MAGI2: variants seen among roughly 807,000 people sequenced by gnomAD.
MAGI2 encodes the protein membrane associated guanylate kinase, WW and PDZ domain containing 2.
A neutral mutation model predicts 133.3 loss-of-function variants in MAGI2; 35 were observed. The observed-to-expected ratio is 0.26, with a 90% confidence interval of 0.20 to 0.35. The LOEUF (loss-of-function observed/expected upper bound fraction) is 0.35. Ranked by LOEUF, MAGI2 falls within the 10% of genes least tolerant of loss-of-function variation. MAGI2 has a pLI of 1.00. For missense variants in MAGI2, 1,636 were observed against 1,863.4 expected (o/e 0.88, Z 2.25); for synonymous variants, 729 against 710.6 (o/e 1.03, Z -0.41).
At position 78,547,901 on chromosome 7, in the gene MAGI2, G is replaced by T. The variant is rs570182718; in HGVS notation, c.539-26256C>A. 4.7e-4 allele frequency among the ~76,000 whole-genome samples: 71 copies of T among 152,320 alleles called. 3 individuals are homozygous for T. In the South Asian group the frequency reaches 0.014, roughly 31 times the overall value. On this transcript the variant is annotated intron_variant, in intron 3 of 21. Coordinates refer to ENST00000354212, the MANE Select transcript of MAGI2 (RefSeq NM_012301.4). ...TGACCTGCTATATTCCCAATAGAGG[G>T]CACATTTCAATGGACTGACCTTAGG...
intron 21 of MAGI2, among the ~76,000 whole-genome samples, chr7:78,021,339 T>C (rs1357817882): frequency 2.6e-5 from 4 of 152,210 alleles, no homozygotes; most frequent in Non-Finnish European, 4.4e-5. Flanking sequence ...CATTGATAGA[T>C]TTGAATTCTG....
intron 2 of MAGI2, among the ~76,000 whole-genome samples, chr7:78,861,265 G>A (rs917685163): frequency 2.6e-5 from 4 of 152,202 alleles, no homozygotes; most frequent in African/African-American, 9.7e-5. Flanking sequence ...GATGAACCCA[G>A]TACCTCAGTT....
intron 9 of MAGI2, among the ~76,000 whole-genome samples, chr7:78,295,163 T>G (rs2151054121): frequency 6.6e-6 from 1 of 152,290 alleles, no homozygotes; most frequent in Non-Finnish European, 1.5e-5. Context: ...CTATAATTTT[T>G]GATAATGTAG....
chr7:78,573,227 AATATAAAT>A (rs1220518341), intron 3 of MAGI2, among the ~76,000 whole-genome samples: 2 of 58,950 alleles, frequency 3.4e-5, no homozygotes, highest in Admixed American at 2.4e-4. Context: ...AATATATATA[AATATAAAT>A]ATATATATAT....
intron 1 of MAGI2, among the ~76,000 whole-genome samples, chr7:79,425,925 T>C (rs1395529856): frequency 2.6e-5 from 4 of 152,112 alleles, no homozygotes; most frequent in Admixed American, 6.6e-5. Flanking sequence ...ACTCAGTGTT[T>C]GAACTTGAAT....
chr7:78,698,846 T>C (rs1817778471), intron 2 of MAGI2, among the ~76,000 whole-genome samples: 1 of 152,088 alleles, frequency 6.6e-6, no homozygotes, highest in South Asian at 2.1e-4. Context: ...AAGAACAGCA[T>C]GAGGGTAACC....
chr7:78,733,634 A>G (rs929945613), intron 2 of MAGI2, among the ~76,000 whole-genome samples: 1 of 152,206 alleles, frequency 6.6e-6, no homozygotes, highest in Non-Finnish European at 1.5e-5. Context: ...CTAAAATAAT[A>G]CATACAGCAT....
chr7:79,318,503 A>G (rs1838919203), intron 1 of MAGI2, among the ~76,000 whole-genome samples: 1 of 152,110 alleles, frequency 6.6e-6, no homozygotes, highest in Non-Finnish European at 1.5e-5. Flanking sequence ...TGAATTCTAT[A>G]TTTTCTGTAA....
intron 9 of MAGI2, among the ~76,000 whole-genome samples, chr7:78,335,817 A>G (rs916216559): frequency 6.6e-6 from 1 of 152,196 alleles, no homozygotes; most frequent in African/African-American, 2.4e-5. Context: ...GGGAAACAAT[A>G]TATTTATGGT....
rs774125665 is a variant in MAGI2 at position 78,655,980 on chromosome 7, C to CAAAAA, written c.419-28746_419-28742dup. The stretch of plus-strand genomic sequence containing the variant: ...TGGGCGACAGAGCAAGACTCCGTCT[C>CAAAAA]AAAAAAAAAAAAAAAAAGAAAAAGA... On this transcript the variant is annotated intron_variant, in intron 2 of 21. Coordinates refer to ENST00000354212, the MANE Select transcript of MAGI2 (RefSeq NM_012301.4). 6.6e-4 allele frequency among the ~76,000 whole-genome samples: 40 copies of CAAAAA among 60,410 alleles called. 5 individuals carry two copies. The highest frequency in any genetic ancestry group is 3.7e-3 in the East Asian group (5 of 1,368). The allele number at this position is 60,410 out of a possible 152,430, so 39.6% of individuals were successfully genotyped here.
At chr7:78,480,317 G>A (rs1335394375) in intron 6 of MAGI2, among the ~76,000 whole-genome samples, 1 of 151,680 alleles carries the variant, frequency 6.6e-6, no homozygotes, top group Admixed American at 6.6e-5. Context: ...ATGAAGGAAT[G>A]CTTATCTACT....
intron 20 of MAGI2, among the ~76,000 whole-genome samples, chr7:78,093,132 T>C (rs1258256742): frequency 1.2e-5 from 1 of 85,360 alleles, no homozygotes; most frequent in Non-Finnish European, 2.1e-5. Flanking sequence ...CGGGACTCCT[T>C]CTCCAAAAAA....
intron 16 of MAGI2, among the ~76,000 whole-genome samples, chr7:78,153,687 T>C (rs182568044): frequency 6.6e-6 from 1 of 152,216 alleles, no homozygotes; most frequent in African/African-American, 2.4e-5. Flanking sequence ...TAATGAAAAA[T>C]ATGATCTAGG....
At chr7:79,132,765 C>G (rs112518202) in intron 1 of MAGI2, among the ~76,000 whole-genome samples, 1 of 152,142 alleles carries the variant, frequency 6.6e-6, no homozygotes, top group South Asian at 2.1e-4. Context: ...CATTCCCAAC[C>G]AACAGTGTAT....
intron 2 of MAGI2, among the ~76,000 whole-genome samples, chr7:78,775,967 T>TTTTAGGAA (rs1318677325): frequency 6.6e-6 from 1 of 152,168 alleles, no homozygotes; most frequent in African/African-American, 2.4e-5. Flanking sequence ...AAAGGCTCAG[T>TTTTAGGAA]CTTAGGAACT....
intron 2 of MAGI2, among the ~76,000 whole-genome samples, chr7:78,824,576 T>C (rs1258952563): frequency 6.6e-6 from 1 of 152,224 alleles, no homozygotes; most frequent in Non-Finnish European, 1.5e-5. Context: ...ATATCTTCTT[T>C]TGAGAAGTTT....
chr7:78,733,459 T>G (rs1056025566), intron 2 of MAGI2, among the ~76,000 whole-genome samples: 1 of 152,200 alleles, frequency 6.6e-6, no homozygotes, highest in Non-Finnish European at 1.5e-5. Context: ...TTAGCCATAA[T>G]TGCTTCACCT....
chr7:78,075,873 C>G (rs990972013), intron 21 of MAGI2, among the ~76,000 whole-genome samples: 1 of 152,278 alleles, frequency 6.6e-6, no homozygotes, highest in Middle Eastern at 3.4e-3. Context: ...GTTTCTTATG[C>G]ATAACCAAGC....
chr7:79,305,905 A>G (rs1294978689), intron 1 of MAGI2, among the ~76,000 whole-genome samples: 1 of 152,104 alleles, frequency 6.6e-6, no homozygotes, highest in African/African-American at 2.4e-5. Flanking sequence ...GTAAGTAAGT[A>G]ACAAGTAAAT....
Sources: gnomAD v4.1 joint callset for allele counts (sites outside exome capture counted in the v4.1 genomes callset) on GRCh38, gnomAD v4.1.1 for gene constraint, MANE v1.5 for transcripts, NCBI Gene and HGNC (gene_info 2026-07-23, HGNC 2026-07-21) for gene names.